Variants in SYTL5 observed in about 807,000 individuals in gnomAD.
SYTL5 encodes synaptotagmin-like protein 5.
SYTL5 carries 34 observed loss-of-function variants against 55.9 expected under a neutral mutation model. The observed-to-expected ratio is 0.61, with a 90% CI of 0.46 to 0.81. The LOEUF (loss-of-function observed/expected upper bound fraction) is 0.81, where lower values mean the gene tolerates loss of function less well. SYTL5 is among the 30% of genes least tolerant of loss of function. SYTL5 has a pLI of 0.00. For missense variants in SYTL5, 637 were observed against 546.7 expected (o/e 1.17, Z -1.65); for synonymous variants, 221 against 188.7 (o/e 1.17, Z -1.40).
At chrX:37,999,304 T>A in the SYTL5 span, among the ~76,000 whole-genome samples, 1 of 112,773 alleles carries the variant, frequency 8.9e-6, no homozygotes, top group Non-Finnish European at 1.9e-5. Flanking sequence ...AGTATGATTT[T>A]AAATGTAATG....
the SYTL5 span, among the ~76,000 whole-genome samples, chrX:37,892,173 G>C: frequency 9.1e-6 from 1 of 110,153 alleles, no homozygotes; most frequent in Non-Finnish European, 1.9e-5. Flanking sequence ...GTATACCTGG[G>C]ATAAAGAAGG....
chrX:37,971,516 AAACAACAACAACAACAATAAC>A, the SYTL5 span, among the ~76,000 whole-genome samples: 1 of 110,289 alleles, frequency 9.1e-6, no homozygotes, highest in African/African-American at 3.3e-5. Context: ...CCAGTTTGCA[AAACAACAACAACAACAATAAC>A]AACAACAACA....
chrX:37,902,002 A>G, the SYTL5 span, among the ~76,000 whole-genome samples: 12 of 112,592 alleles, frequency 1.1e-4, no homozygotes, highest in East Asian at 3.0e-3. Context: ...TCTATAACAA[A>G]TAGTATATAT....
Position 38,033,794 on chromosome X carries a change from G to A in SYTL5, c.-96G>A, listed in dbSNP as rs1451813462. ...ATCACACTTTACACCAAACAACTGA[G>A]TGATTCTGAATTGGTTGGGGGAATC... On this transcript the variant is annotated 5_prime_UTR_variant, in exon 2 of 17. It adds an upstream start codon to the 5' untranslated region. Transcript: ENST00000297875. 2.8e-5 allele frequency: 13 copies of A among 471,774 alleles called. No individual in the cohort carries two copies. Among genetic ancestry groups the A allele is most frequent in the Non-Finnish European group, 4.0e-5 (11 of 274,608 alleles). 38.9% of individuals were successfully genotyped at this position (471,774 alleles called of 1,213,427 possible).
intron 13 of SYTL5, among the ~76,000 whole-genome samples, chrX:38,118,654 C>T (rs979655282): frequency 1.8e-5 from 2 of 111,482 alleles, no homozygotes; most frequent in African/African-American, 6.5e-5. Context: ...TATAAATCTA[C>T]ATGCAGTTAC....
the SYTL5 span, among the ~76,000 whole-genome samples, chrX:37,941,235 G>A: frequency 5.4e-5 from 6 of 111,839 alleles, no homozygotes; most frequent in Middle Eastern, 4.6e-3. Flanking sequence ...TTGCACAGCC[G>A]TATCTGGGAC....
chrX:38,126,823 G>C lies in SYTL5; in HGVS notation c.*93G>C, dbSNP rs1937663159. 5 of 943,890 alleles carry C rather than the reference G, an allele frequency of 5.3e-6. No homozygotes were observed. The Admixed American group carries it at 1.5e-4, about 28-fold the overall frequency. The allele number at this position is 943,890 out of a possible 1,213,427, so 77.8% of individuals were successfully genotyped here. A position where few individuals can be genotyped will look rare whatever the true frequency, so the allele number is the denominator to read the frequency against. ...CTGAGACCTGGGATTCTGCTTCCCT[G>C]CCATTTCTCACCTGACAGTGTTGGG... On this transcript the variant is annotated 3_prime_UTR_variant, in exon 17 of 17. Transcript: ENST00000297875.
At chrX:38,001,061 T>G in the SYTL5 span, among the ~76,000 whole-genome samples, 11 of 110,703 alleles carry the variant, frequency 9.9e-5, no homozygotes, top group Admixed American at 4.8e-4. Context: ...ATGCAACATT[T>G]GGGCAGGAAA....
the SYTL5 span, among the ~76,000 whole-genome samples, chrX:37,944,734 A>G: frequency 1.2e-4 from 13 of 112,578 alleles, no homozygotes; most frequent in South Asian, 7.3e-4. Flanking sequence ...TTTGAAGAGC[A>G]TTGTGTGCAG....
chrX:37,934,491 T>A, the SYTL5 span, among the ~76,000 whole-genome samples: 42 of 106,833 alleles, frequency 3.9e-4, no homozygotes, highest in South Asian at 0.018. Flanking sequence ...CTGATTGAGA[T>A]AATCTAATCT....
At chrX:38,054,967 T>A (rs1935738832) in intron 3 of SYTL5, among the ~76,000 whole-genome samples, 1 of 111,262 alleles carries the variant, frequency 9.0e-6, no homozygotes, top group Admixed American at 9.5e-5. Context: ...TCCTCCAGCC[T>A]TGGCCTCCCA....
At chrX:37,893,371 T>C in the SYTL5 span, among the ~76,000 whole-genome samples, 7 of 98,478 alleles carry the variant, frequency 7.1e-5, no homozygotes, top group African/African-American at 2.5e-4. Context: ...CACTATATAG[T>C]ATATATAAGT....
At chrX:38,019,173 G>A (rs1340683684) in intron 1 of SYTL5, among the ~76,000 whole-genome samples, 19 of 111,985 alleles carry the variant, frequency 1.7e-4, no homozygotes, top group Non-Finnish European at 5.6e-5. Context: ...AGCAGTCGTC[G>A]GCGCCACAGG....
At chrX:38,121,880 A>G (rs1277681663) in intron 14 of SYTL5, among the ~76,000 whole-genome samples, 200 bp from the exon 15 acceptor site, 1 of 112,692 alleles carries the variant, frequency 8.9e-6, no homozygotes, top group Admixed American at 9.4e-5. Context: ...AATACAAATG[A>G]AAGACCTATC....
At chrX:37,938,116 T>G in the SYTL5 span, among the ~76,000 whole-genome samples, 1 of 112,378 alleles carries the variant, frequency 8.9e-6, no homozygotes, top group Non-Finnish European at 1.9e-5. Flanking sequence ...AGATGTATTT[T>G]CACTGAGCCT....
At chrX:38,003,839 T>C, upstream of SYTL5, among the ~76,000 whole-genome samples, 1 of 112,273 alleles carries the variant, frequency 8.9e-6, no homozygotes, top group South Asian at 3.7e-4. Context: ...CTCCAAATCC[T>C]CACCAGCATT....
chrX:37,939,923 C>G, the SYTL5 span, among the ~76,000 whole-genome samples: 1 of 111,384 alleles, frequency 9.0e-6, no homozygotes, highest in African/African-American at 3.3e-5. Context: ...CTCTGCCTGC[C>G]AGGTTCAAGC....
chrX:38,099,643 T>A (rs1937033687), intron 9 of SYTL5, among the ~76,000 whole-genome samples: 1 of 111,258 alleles, frequency 9.0e-6, no homozygotes, highest in Admixed American at 9.5e-5. Flanking sequence ...AGAGTGGGCA[T>A]ACTGTATTGT....
chrX:38,079,281 A>G (rs768857010), intron 6 of SYTL5, among the ~76,000 whole-genome samples: 33 of 111,299 alleles, frequency 3.0e-4, no homozygotes, highest in Non-Finnish European at 4.5e-4. Context: ...ATTCCTTTTT[A>G]AGGCTCACAT....
Sources: gnomAD v4.1 joint callset for allele counts (sites outside exome capture counted in the v4.1 genomes callset) on GRCh38, gnomAD v4.1.1 for gene constraint, MANE v1.5 for transcripts, NCBI Gene and HGNC (gene_info 2026-07-23, HGNC 2026-07-21) for gene names.